The following KANSL1 variants were observed in gnomAD, a reference collection of about 807,000 sequenced individuals.
The protein encoded by KANSL1 is MLL1/MLL complex subunit KANSL1.
Under a neutral mutation model 103.6 loss-of-function variants are expected in KANSL1, and 22 were observed. That is an observed-to-expected ratio of 0.21 (90% confidence interval 0.15 to 0.30). KANSL1 has a LOEUF of 0.30. KANSL1 is among the 10% of genes least tolerant of loss of function. The pLI is 1.00. For synonymous variants in KANSL1, 600 were observed against 527.6 expected (o/e 1.14, Z -1.88); for missense variants, 1,337 against 1,399.8 (o/e 0.96, Z 0.72).
At chr17:46,151,152 G>A (rs923400580) in intron 2 of KANSL1, among the ~76,000 whole-genome samples, 1 of 152,200 alleles carries the variant, frequency 6.6e-6, no homozygotes, top group Non-Finnish European at 1.5e-5. Context: ...ATTTAAGAAT[G>A]AGTTATAACT....
chr17:46,147,065 AAAATTT>A (rs2044748964), intron 2 of KANSL1, among the ~76,000 whole-genome samples: 1 of 152,156 alleles, frequency 6.6e-6, no homozygotes, highest in Non-Finnish European at 1.5e-5. Context: ...TAAAAAATAA[AAAATTT>A]TAAAAGGGGG....
chr17:46,083,258 A>C (rs147848366), intron 3 of KANSL1, among the ~76,000 whole-genome samples: 174 of 152,268 alleles, frequency 1.1e-3, no homozygotes, highest in African/African-American at 3.8e-3. Context: ...AAAAAACAAA[A>C]TACTACATAT....
intron 1 of KANSL1, among the ~76,000 whole-genome samples, chr17:46,213,085 C>A (rs1480531815): frequency 1.3e-5 from 2 of 152,140 alleles, no homozygotes; most frequent in Non-Finnish European, 2.9e-5. Flanking sequence ...ACTGCAGCTC[C>A]CCCTGCTGAC....
At chr17:46,032,959 C>T (rs908809927) in intron 13 of KANSL1, 121 bp downstream of exon 13, 10 of 705,832 alleles carry the variant, frequency 1.4e-5, no homozygotes, top group African/African-American at 1.1e-4. Flanking sequence ...TTTGCCACTG[C>T]CAGTAGATGA....
chr17:46,111,888 T>G (rs2042825596), intron 2 of KANSL1, among the ~76,000 whole-genome samples: 1 of 152,350 alleles, frequency 6.6e-6, no homozygotes, highest in East Asian at 1.9e-4. Context: ...CAGAAAAGTT[T>G]ATTTTTTGGA....
rs568208257 is a variant in KANSL1, at chr17:46,188,867, C to T, written c.-90+3956G>A. 7.2e-5 allele frequency among the ~76,000 whole-genome samples: 11 copies of T among 151,778 alleles called. No homozygotes were observed. The South Asian group carries it at 2.3e-3, about 32-fold the overall frequency. On this transcript the variant is annotated intron_variant, in intron 1 of 14. Coordinates refer to ENST00000432791, the MANE Select transcript of KANSL1 (RefSeq NM_015443.4). ...CCAACATGGCAAAACCCCATCTATA[C>T]TAAAAATAGAAAAAAATTAGCCAGG...
chr17:46,212,671 A>C (rs1237904773), intron 1 of KANSL1, among the ~76,000 whole-genome samples: 3 of 152,208 alleles, frequency 2.0e-5, no homozygotes, highest in Non-Finnish European at 4.4e-5. Context: ...TTGTTCACAA[A>C]TCTTTCTATG....
chr17:46,167,911 C>T (rs2046085663), intron 2 of KANSL1, among the ~76,000 whole-genome samples: 1 of 152,250 alleles, frequency 6.6e-6, no homozygotes, highest in Non-Finnish European at 1.5e-5. Flanking sequence ...TTCCACAGAA[C>T]TATCCACTTG....
intron 2 of KANSL1, among the ~76,000 whole-genome samples, chr17:46,155,585 G>A (rs1475311984): frequency 5.3e-5 from 8 of 152,222 alleles, no homozygotes; most frequent in Admixed American, 3.3e-4. Context: ...GGCCAGAGAC[G>A]CCATCAGGCA....
intron 10 of KANSL1, chr17:46,037,836 A>G (rs1212663704): frequency 1.3e-5 from 2 of 152,240 alleles, no homozygotes; most frequent in Non-Finnish European, 1.5e-5. Flanking sequence ...GTATGTTCCA[A>G]GAGGGCACAC....
chr17:46,137,866 CAA>C (rs368446805), intron 2 of KANSL1, among the ~76,000 whole-genome samples: 29 of 92,370 alleles, frequency 3.1e-4, no homozygotes, highest in Admixed American at 2.3e-4. Context: ...GACTCTGTCT[CAA>C]AAAAAAAAAA....
intron 4 of KANSL1, among the ~76,000 whole-genome samples, chr17:46,074,763 CTAAATAAATAAATAAATAAATAAA>C (rs71138522): frequency 7.0e-6 from 1 of 142,556 alleles, no homozygotes; most frequent in Admixed American, 7.0e-5. Flanking sequence ...GACCCTATCT[CTAAATAAATAAATAAATAAATAAA>C]TAAATAAATA....
intron 1 of KANSL1, among the ~76,000 whole-genome samples, chr17:46,182,218 G>A (rs1274888176): frequency 1.3e-5 from 2 of 152,098 alleles, no homozygotes; most frequent in Admixed American, 1.3e-4. Context: ...ATTTTACTAA[G>A]AAGAGAAAAA....
chr17:46,195,531 C>G (rs1461781580), upstream of KANSL1, among the ~76,000 whole-genome samples: 2 of 152,222 alleles, frequency 1.3e-5, no homozygotes, highest in Non-Finnish European at 2.9e-5. Flanking sequence ...ATATTCTTAT[C>G]TAAAATCAGA....
intron 1 of KANSL1, among the ~76,000 whole-genome samples, chr17:46,177,142 C>A (rs2046559161): frequency 6.6e-6 from 1 of 152,232 alleles, no homozygotes; most frequent in African/African-American, 2.4e-5. Flanking sequence ...CTATTCTGTT[C>A]TTTAAGTCTC....
intron 2 of KANSL1, among the ~76,000 whole-genome samples, chr17:46,115,249 G>A (rs1016527490): frequency 6.6e-6 from 1 of 152,070 alleles, no homozygotes; most frequent in African/African-American, 2.4e-5. Context: ...TAGTAGAGAT[G>A]GGATTTTGCC....
At chr17:46,124,873 T>C (rs997087941) in intron 2 of KANSL1, among the ~76,000 whole-genome samples, 5 of 151,844 alleles carry the variant, frequency 3.3e-5, no homozygotes, top group African/African-American at 1.2e-4. Context: ...CAAAGTTAAG[T>C]TGACTCTGAC....
chr17:46,087,060 C>A (rs2079191168), intron 3 of KANSL1, among the ~76,000 whole-genome samples: 1 of 152,098 alleles, frequency 6.6e-6, no homozygotes, highest in East Asian at 1.9e-4. Context: ...AGCCACTGTG[C>A]CCCTGCTTGA....
chr17:46,154,260 G>A (rs1166343549), intron 2 of KANSL1, among the ~76,000 whole-genome samples: 2 of 152,216 alleles, frequency 1.3e-5, no homozygotes, highest in African/African-American at 4.8e-5. Context: ...GAGGGAAGTG[G>A]GGAAATGCTA....
Sources: gnomAD v4.1 joint callset for allele counts (sites outside exome capture counted in the v4.1 genomes callset) on GRCh38, gnomAD v4.1.1 for gene constraint, MANE v1.5 for transcripts, NCBI Gene and HGNC (gene_info 2026-07-23, HGNC 2026-07-21) for gene names.